Variants in COL5A1 observed in about 807,000 individuals in gnomAD.
COL5A1 encodes collagen type V alpha 1 chain.
COL5A1 carries 16 observed loss-of-function variants against 263.7 expected under a neutral mutation model. That is an observed-to-expected ratio of 0.06 (90% CI 0.04 to 0.09). COL5A1 has a LOEUF of 0.09. Among genes scored for constraint, COL5A1 ranks in the 10% least tolerant of loss-of-function variants. COL5A1 has a pLI of 1.00. For missense variants in COL5A1, 2,036 were observed against 2,540.5 expected, an observed-to-expected ratio of 0.80 and a Z score of 4.27; for synonymous variants, 1,012 against 1,004.5, an observed-to-expected ratio of 1.01 and a Z score of -0.14.
At chr9:134,719,132 A>G (rs1834365401) in intron 4 of COL5A1, among the ~76,000 whole-genome samples, 1 of 152,204 alleles carries the variant, frequency 6.6e-6, no homozygotes, top group African/African-American at 2.4e-5. Context: ...ACTGAGTCCC[A>G]GGCACCTCGG....
chr9:134,704,185 G>C (rs1185460544), intron 4 of COL5A1, among the ~76,000 whole-genome samples: 1 of 152,162 alleles, frequency 6.6e-6, no homozygotes, highest in Non-Finnish European at 1.5e-5. Flanking sequence ...TCAGGGCTGG[G>C]TTTGCATCCT....
chr9:134,685,635 A>G (rs1464532324), intron 1 of COL5A1, among the ~76,000 whole-genome samples: 7 of 122,640 alleles, frequency 5.7e-5, no homozygotes, highest in Non-Finnish European at 5.3e-5. Context: ...CCATCCATCC[A>G]CCATCCATCC....
intron 9 of COL5A1, among the ~76,000 whole-genome samples, chr9:134,734,868 T>C (rs1210713929): frequency 1.3e-5 from 2 of 152,198 alleles, no homozygotes; most frequent in Non-Finnish European, 2.9e-5. Context: ...TCCATTGAGA[T>C]TGTCTTGAGT....
chr9:134,665,329 G>A (rs549610824), intron 1 of COL5A1, among the ~76,000 whole-genome samples: 4 of 152,240 alleles, frequency 2.6e-5, no homozygotes, highest in Non-Finnish European at 4.4e-5. Flanking sequence ...GGCGAGAGCC[G>A]TTTAGGTGGG....
intron 11 of COL5A1, among the ~76,000 whole-genome samples, chr9:134,743,114 C>T (rs949799419): frequency 2.0e-5 from 3 of 152,308 alleles, no homozygotes; most frequent in Admixed American, 6.5e-5. Context: ...GTGATCAGAG[C>T]GTCTTTGAGG....
chr9:134,671,655 T>A (rs754578656), intron 1 of COL5A1, among the ~76,000 whole-genome samples: 1 of 152,182 alleles, frequency 6.6e-6, no homozygotes, highest in Non-Finnish European at 1.5e-5. Context: ...GAACCACACA[T>A]CTGGACGAGT....
chr9:134,795,412 T>TAA (rs79903250), intron 34 of COL5A1, 97 bp downstream of exon 34: 1,726 of 783,436 alleles, frequency 2.2e-3, no homozygotes, highest in South Asian at 4.1e-3. Context: ...CCTTTTTTAT[T>TAA]AAAAAAAAAA....
At chr9:134,753,775 C>CA in intron 14 of COL5A1, 75 bp from the exon 15 acceptor site, 1 of 862,642 alleles carries the variant, frequency 1.2e-6, no homozygotes, top group Non-Finnish European at 1.9e-6. Context: ...TGCCCCTCCC[C>CA]TGCCACCCCC....
chr9:134,810,264 G>A lies in COL5A1; in HGVS notation c.3484G>A (p.Gly1162Arg), dbSNP rs1838467288. ...PGEDGDKGEIGEPGQKGSKGD... is the reference protein window; with the variant it reads ...PGEDGDKGEIREPGQKGSKGD... ...CCACACCTTCCCCTAGGGAGAGATC[G>A]GGGAGCCGGGGCAGAAAGGAAGCAA... The change falls in exon 44 of 66, where the codon GGG (glycine) becomes AGG (arginine). Residue 1162 changes from glycine to arginine, a missense_variant. Transcript: ENST00000371817. The A allele has an allele frequency of 1.2e-6, 2 of 1,614,200 alleles. No individual in the cohort carries two copies. Among genetic ancestry groups the A allele is most frequent in the Non-Finnish European group, 1.7e-6 (2 of 1,180,008 alleles).
At chr9:134,783,205 C>T (rs536816056) in intron 29 of COL5A1, among the ~76,000 whole-genome samples, 24 of 152,364 alleles carry the variant, frequency 1.6e-4, no homozygotes, top group Admixed American at 1.0e-3. Flanking sequence ...GCCTGGGGAG[C>T]GTCCTGGTCC....
chr9:134,659,938 A>C (rs1451012862), intron 1 of COL5A1, among the ~76,000 whole-genome samples: 1 of 152,170 alleles, frequency 6.6e-6, no homozygotes. Context: ...CTGCCTGTTT[A>C]GTTTCAGCCG....
In COL5A1 at chr9:134,802,935, G is replaced by A. The variant is rs369163868; in HGVS notation, c.3054G>A (p.Gly1018=). ...TGPMGERGHP[G]PPGPPGEQGL... is the part of the protein sequence containing the mutation. ...CAATGGGTGAGCGTGGCCACCCTGG[G>A]CCCCCTGGACCCCCCGGTGAACAGG... is the stretch of plus-strand genomic sequence containing the variant. Residue 1018 remains glycine, a synonymous_variant, in exon 39 of 66, where the codon GGG becomes GGA. Coordinates refer to ENST00000371817, the MANE Select transcript of COL5A1 (RefSeq NM_000093.5). 6.2e-7 allele frequency: 1 copy of A among 1,611,762 alleles called. No homozygotes were observed. The highest frequency in any genetic ancestry group is 1.1e-5 in the South Asian group (1 of 90,572).
At position 134,817,794 on chromosome 9, in the gene COL5A1, C is replaced by T; in HGVS notation, c.4193C>T (p.Ala1398Val). The T allele has an allele frequency of 6.2e-7, 1 of 1,612,286 alleles. No individual in the cohort carries two copies. Among genetic ancestry groups the T allele is most frequent in the Non-Finnish European group, 8.5e-7 (1 of 1,179,210 alleles). The stretch of plus-strand genomic sequence containing the variant: ...TTCTTTCAGGGTCCCCCAGGCCCCG[C>T]AGGCCCCGAAGGCAGACAGGGAGAG... ...PPGKRGPPGP[A>V]GPEGRQGEKG... Residue 1398 changes from alanine to valine, a missense_variant, in exon 54 of 66, where the codon GCA (alanine) becomes GTA (valine). Ala to Val is a moderately conservative substitution (Grantham distance 64, BLOSUM62 0). This residue lies in a region of COL5A1 where 1,078 missense variants were observed against 1,521.4 expected (regional missense o/e 0.71). Coordinates refer to ENST00000371817, the MANE Select transcript of COL5A1 (RefSeq NM_000093.5).
At chr9:134,740,777 C>G (rs1268392778) in intron 11 of COL5A1, among the ~76,000 whole-genome samples, 1 of 152,186 alleles carries the variant, frequency 6.6e-6, no homozygotes, top group Non-Finnish European at 1.5e-5. Flanking sequence ...CCTTGTGACA[C>G]CGTGACCTAC....
intron 25 of COL5A1, among the ~76,000 whole-genome samples, chr9:134,770,216 C>A (rs1836825171): frequency 6.6e-6 from 1 of 152,216 alleles, no homozygotes; most frequent in African/African-American, 2.4e-5. Flanking sequence ...TGAGGGTAAA[C>A]CCTACAGAGA....
chr9:134,781,862 C>T (rs1057142304), intron 28 of COL5A1, among the ~76,000 whole-genome samples: 3 of 152,202 alleles, frequency 2.0e-5, no homozygotes, highest in African/African-American at 4.8e-5. Context: ...GCCTCCCTTG[C>T]GTGTGCCCCC....
At chr9:134,711,950 A>C (rs1195518335) in intron 4 of COL5A1, among the ~76,000 whole-genome samples, 1 of 151,194 alleles carries the variant, frequency 6.6e-6, no homozygotes, top group Non-Finnish European at 1.5e-5. Flanking sequence ...AGTGCCTGAC[A>C]GGAAGTGAAC....
rs746512434 is a variant in COL5A1, at chr9:134,674,701, C to G, written c.110-16211C>G. ...AGGAGTTCGAGACCAGCCTAGCCAA[C>G]GTGGCAAAACCCTGTCTCTACGAAA... On this transcript the variant is annotated intron_variant, in intron 1 of 65. Transcript: ENST00000371817. 7.9e-5 allele frequency among the ~76,000 whole-genome samples: 12 copies of G among 152,238 alleles called. No homozygotes were observed. In the South Asian group the frequency reaches 1.2e-3, roughly 16 times the overall value.
At chr9:134,817,909 T>C in intron 54 of COL5A1, 78 bp downstream of exon 54, 2 of 1,422,614 alleles carry the variant, frequency 1.4e-6, no homozygotes, top group East Asian at 2.5e-5. Context: ...TGGACAAGCG[T>C]GTGGGCAGAG....
Sources: gnomAD v4.1 joint callset for allele counts (sites outside exome capture counted in the v4.1 genomes callset) on GRCh38, gnomAD v4.1.1 for gene constraint, gnomAD v4.1.1 regional missense constraint, MANE v1.5 for transcripts, NCBI Gene and HGNC (gene_info 2026-07-23, HGNC 2026-07-21) for gene names.